MACROD2: variants seen among roughly 807,000 people sequenced by gnomAD.
MACROD2 encodes ADP-ribose glycohydrolase MACROD2.
MACROD2 carries 36 observed loss-of-function variants against 70.4 expected under a neutral mutation model. That is an observed-to-expected ratio of 0.51 (90% CI 0.39 to 0.68). MACROD2 has a LOEUF of 0.68. Among genes scored for constraint, MACROD2 ranks in the 30% least tolerant of loss-of-function variants. The pLI is 0.00. For synonymous variants in MACROD2, 172 were observed against 178.8 expected (o/e 0.96, Z 0.30); for missense variants, 496 against 538.4 (o/e 0.92, Z 0.78).
intron 6 of MACROD2, among the ~76,000 whole-genome samples, chr20:15,385,727 A>G (rs2045703944): frequency 6.6e-6 from 1 of 152,186 alleles, no homozygotes; most frequent in Non-Finnish European, 1.5e-5. Context: ...TCCATTAAAG[A>G]GAAATCCACT....
At chr20:14,162,457 G>A (rs1601297118) in intron 3 of MACROD2, among the ~76,000 whole-genome samples, 2 of 152,130 alleles carry the variant, frequency 1.3e-5, no homozygotes, top group Non-Finnish European at 2.9e-5. Context: ...TCTGAGAGTG[G>A]GATGTTGAAG....
chr20:14,002,223 G>T, intron 1 of MACROD2, 65 bp from the exon 2 acceptor site: 1 of 1,064,714 alleles, frequency 9.4e-7, no homozygotes, highest in Non-Finnish European at 1.4e-6. Context: ...AATACTTAAA[G>T]TATAAAAATA....
At chr20:14,297,846 A>T (rs187006670) in intron 3 of MACROD2, among the ~76,000 whole-genome samples, 11 of 152,052 alleles carry the variant, frequency 7.2e-5, no homozygotes, top group Admixed American at 5.9e-4. Flanking sequence ...GGACTTTCAT[A>T]GAGAGGGGAA....
At chr20:15,769,559 T>C (rs1244375095) in intron 8 of MACROD2, among the ~76,000 whole-genome samples, 1 of 152,232 alleles carries the variant, frequency 6.6e-6, no homozygotes, top group Non-Finnish European at 1.5e-5. Flanking sequence ...AACGCATGAA[T>C]AATTGTGCAA....
chr20:16,025,782 A>G (rs114148702), intron 15 of MACROD2, among the ~76,000 whole-genome samples: 282 of 152,282 alleles, frequency 1.9e-3, no homozygotes, highest in African/African-American at 6.3e-3. Flanking sequence ...ATGCATTTCT[A>G]ACCACAGGGA....
intron 7 of MACROD2, among the ~76,000 whole-genome samples, chr20:15,469,626 C>T (rs2046938933): frequency 6.6e-6 from 1 of 152,120 alleles, no homozygotes; most frequent in African/African-American, 2.4e-5. Context: ...AGAATCCAGT[C>T]CACAAGAAAG....
chr20:15,784,337 T>G (rs1283066564), intron 8 of MACROD2, among the ~76,000 whole-genome samples: 1 of 152,174 alleles, frequency 6.6e-6, no homozygotes, highest in Non-Finnish European at 1.5e-5. Flanking sequence ...TTTTTTCTAC[T>G]TTTATTTTAT....
intron 13 of MACROD2, among the ~76,000 whole-genome samples, chr20:15,973,421 C>G (rs1042375450): frequency 2.6e-5 from 4 of 152,076 alleles, no homozygotes; most frequent in African/African-American, 7.2e-5. Flanking sequence ...TGGATTCTGA[C>G]AATATGTTAC....
intron 3 of MACROD2, among the ~76,000 whole-genome samples, chr20:14,442,250 A>G (rs986223677): frequency 2.1e-4 from 32 of 152,224 alleles, no homozygotes; most frequent in African/African-American, 7.0e-4. Context: ...AGCCTGGGTG[A>G]TAGAGTGAGA....
intron 3 of MACROD2, among the ~76,000 whole-genome samples, chr20:14,333,647 C>T (rs995069511): frequency 2.0e-5 from 3 of 152,168 alleles, no homozygotes; most frequent in African/African-American, 4.8e-5. Context: ...GTGGGTACAA[C>T]TTGGTTGATG....
chr20:14,490,535 T>A (rs1052245326), intron 3 of MACROD2, among the ~76,000 whole-genome samples: 2 of 152,202 alleles, frequency 1.3e-5, no homozygotes, highest in Non-Finnish European at 2.9e-5. Flanking sequence ...AAGAGACATT[T>A]TATTTCAGGG....
chr20:15,298,720 C>T lies in MACROD2; in HGVS notation c.540+68659C>T, dbSNP rs1254269498. ...GTTACATTCTGCATTCCCTTTAACA[C>T]TTTATTTTATATATTAAAAGAGTAT... is the stretch of plus-strand genomic sequence containing the variant. On this transcript the variant is annotated intron_variant, in intron 6 of 17. Transcript: ENST00000684519. Among the ~76,000 whole-genome samples the T allele has an allele frequency of 2.0e-5, 3 of 152,272 alleles. No individual in the cohort carries two copies. The South Asian group carries it at 6.2e-4, about 32-fold the overall frequency.
At chr20:14,110,845 G>A (rs1601236116) in intron 3 of MACROD2, among the ~76,000 whole-genome samples, 1 of 151,624 alleles carries the variant, frequency 6.6e-6, no homozygotes, top group Admixed American at 6.6e-5. Flanking sequence ...AATACCAATG[G>A]CATTCTTCTT....
chr20:15,678,782 C>T (rs56779947), intron 8 of MACROD2, among the ~76,000 whole-genome samples: 2,521 of 135,846 alleles, frequency 0.019, 74 homozygotes, highest in African/African-American at 0.067. Flanking sequence ...GTGTAGTGGG[C>T]ACAGTGGTGT....
At chr20:15,249,182 C>G (rs1475478658) in intron 6 of MACROD2, among the ~76,000 whole-genome samples, 1 of 152,158 alleles carries the variant, frequency 6.6e-6, no homozygotes. Context: ...GCATAGCTAG[C>G]ACCTTGAGTC....
intron 8 of MACROD2, among the ~76,000 whole-genome samples, chr20:15,681,880 G>C (rs1469272814): frequency 6.6e-6 from 1 of 152,058 alleles, no homozygotes; most frequent in Non-Finnish European, 1.5e-5. Context: ...GTGGCTTTGG[G>C]GACTAAGAAG....
intron 5 of MACROD2, among the ~76,000 whole-genome samples, chr20:15,060,156 A>G (rs1344058762): frequency 6.6e-6 from 1 of 152,204 alleles, no homozygotes; most frequent in Non-Finnish European, 1.5e-5. Context: ...TCAGTTGTAA[A>G]GAAATTGTAT....
chr20:14,700,522 GGTGTGTGT>G (rs149689043), intron 5 of MACROD2, among the ~76,000 whole-genome samples: 36 of 111,456 alleles, frequency 3.2e-4, no homozygotes, highest in Admixed American at 8.5e-4. Context: ...GACATATGGT[GGTGTGTGT>G]GTGTGTGTGT....
At chr20:14,056,206 CTT>C (rs997023027) in intron 2 of MACROD2, among the ~76,000 whole-genome samples, 3 of 151,966 alleles carry the variant, frequency 2.0e-5, no homozygotes, top group African/African-American at 7.3e-5. Flanking sequence ...TTAGCAAACA[CTT>C]ATGTATAGAA....
Sources: allele counts gnomAD v4.1 joint callset (sites outside exome capture counted in the v4.1 genomes callset), GRCh38; gene constraint gnomAD v4.1.1; transcripts MANE v1.5; gene names NCBI Gene and HGNC (gene_info 2026-07-23, HGNC 2026-07-21).